The following CSMD1 variants were observed in gnomAD, a reference collection of about 807,000 sequenced individuals.
The protein encoded by CSMD1 is CUB and sushi domain-containing protein 1.
CSMD1 carries 213 observed loss-of-function variants against 417.5 expected under a neutral mutation model. The observed-to-expected ratio is 0.51, with a 90% CI of 0.46 to 0.57. The LOEUF (loss-of-function observed/expected upper bound fraction) is 0.57. CSMD1 is among the 20% of genes least tolerant of loss of function. The probability of loss-of-function intolerance (pLI) is 0.00; values close to 1 mark genes in which losing one functional copy is unlikely to be tolerated. For missense variants in CSMD1, 6,923 were observed against 4,529.7 expected (o/e 1.53, Z -15.17); for synonymous variants, 2,862 against 1,736.8 (o/e 1.65, Z -16.11).
At chr8:4,109,508 G>C (rs1279671621) in intron 3 of CSMD1, among the ~76,000 whole-genome samples, 3 of 152,158 alleles carry the variant, frequency 2.0e-5, no homozygotes, top group African/African-American at 7.2e-5. Flanking sequence ...GCATGAATAA[G>C]TAGACTTATT....
At chr8:4,686,464 G>A (rs1186160761) in intron 1 of CSMD1, among the ~76,000 whole-genome samples, 1 of 152,196 alleles carries the variant, frequency 6.6e-6, no homozygotes, top group Non-Finnish European at 1.5e-5. Context: ...GCGAGAGGGG[G>A]CCTCCCCATA....
At chr8:3,735,039 A>G (rs981119948) in intron 6 of CSMD1, among the ~76,000 whole-genome samples, 1 of 152,232 alleles carries the variant, frequency 6.6e-6, no homozygotes, top group Non-Finnish European at 1.5e-5. Flanking sequence ...GTAAAACAAA[A>G]TAGGTGATAT....
At chr8:2,995,196 G>C (rs1487501254) in intron 54 of CSMD1, among the ~76,000 whole-genome samples, 1 of 152,054 alleles carries the variant, frequency 6.6e-6, no homozygotes, top group South Asian at 2.1e-4. Flanking sequence ...GTCTTAAAAA[G>C]CAAACAAAAA....
chr8:4,510,688 C>G (rs1802777157), intron 2 of CSMD1, among the ~76,000 whole-genome samples: 2 of 144,956 alleles, frequency 1.4e-5, no homozygotes, highest in Middle Eastern at 7.9e-3. Context: ...TCCTCTCTTC[C>G]TTCCCCTTTC....
At chr8:4,319,717 G>T (rs375321677) in intron 3 of CSMD1, among the ~76,000 whole-genome samples, 1 of 152,092 alleles carries the variant, frequency 6.6e-6, no homozygotes, top group Admixed American at 6.6e-5. Flanking sequence ...TCTTGGATTA[G>T]AGGAAAAAGA....
At chr8:4,587,191 G>T (rs1276527252) in intron 2 of CSMD1, among the ~76,000 whole-genome samples, 1 of 151,928 alleles carries the variant, frequency 6.6e-6, no homozygotes. Context: ...TTACTTGAAG[G>T]GTATGTAATT....
At chr8:4,400,201 G>A (rs568327086) in intron 3 of CSMD1, among the ~76,000 whole-genome samples, 1 of 152,310 alleles carries the variant, frequency 6.6e-6, no homozygotes, top group South Asian at 2.1e-4. Flanking sequence ...AGAGAAAGCA[G>A]CTTGAAGCAA....
intron 5 of CSMD1, among the ~76,000 whole-genome samples, chr8:3,866,172 C>G (rs561883462): frequency 1.2e-4 from 18 of 152,160 alleles, no homozygotes; most frequent in Non-Finnish European, 2.2e-4. Flanking sequence ...TAATTCACAA[C>G]TACATACACA....
intron 3 of CSMD1, among the ~76,000 whole-genome samples, chr8:4,212,877 G>A (rs184486681): frequency 6.6e-6 from 1 of 150,634 alleles, no homozygotes; most frequent in Non-Finnish European, 1.5e-5. Context: ...AGGAAGATGA[G>A]GACAACAGTT....
intron 9 of CSMD1, among the ~76,000 whole-genome samples, chr8:3,577,625 T>A (rs13255417): frequency 2.0e-5 from 3 of 152,012 alleles, no homozygotes; most frequent in Non-Finnish European, 4.4e-5. Context: ...AATATTAGCA[T>A]AGCTTCTGAA....
chr8:4,050,270 C>A (rs1320539227), intron 3 of CSMD1, among the ~76,000 whole-genome samples: 1 of 152,084 alleles, frequency 6.6e-6, no homozygotes, highest in Non-Finnish European at 1.5e-5. Flanking sequence ...GCAGCCTATA[C>A]TCTTTGGAAG....
intron 3 of CSMD1, among the ~76,000 whole-genome samples, chr8:4,050,027 C>T (rs1024667040): frequency 4.6e-5 from 7 of 152,072 alleles, no homozygotes; most frequent in East Asian, 1.9e-4. Flanking sequence ...TCAGAAGTTG[C>T]GGCCAGATAT....
At chr8:4,841,987 C>T (rs970510069) in intron 1 of CSMD1, among the ~76,000 whole-genome samples, 14 of 147,614 alleles carry the variant, frequency 9.5e-5, no homozygotes, top group Admixed American at 6.8e-5. Context: ...TGTCCTGCCT[C>T]TAATTGATAG....
intron 1 of CSMD1, among the ~76,000 whole-genome samples, chr8:4,674,169 C>T (rs993195750): frequency 7.2e-5 from 11 of 152,082 alleles, no homozygotes; most frequent in South Asian, 2.1e-4. Context: ...GTGGGAAAAT[C>T]GATCTAATGG....
At chr8:3,732,854 T>C (rs1004364068) in intron 6 of CSMD1, among the ~76,000 whole-genome samples, 15 of 152,150 alleles carry the variant, frequency 9.9e-5, no homozygotes, top group Non-Finnish European at 1.9e-4. Context: ...TATTTTGAAA[T>C]CTGTTTTAAA....
At chr8:3,573,657 CT>C (rs1800032162) in intron 10 of CSMD1, among the ~76,000 whole-genome samples, 1 of 152,126 alleles carries the variant, frequency 6.6e-6, no homozygotes, top group Admixed American at 6.6e-5. Flanking sequence ...GAACATTTCT[CT>C]TTTAGAACTG....
At chr8:3,405,201 G>T (rs1338316590) in intron 15 of CSMD1, among the ~76,000 whole-genome samples, 3 of 151,980 alleles carry the variant, frequency 2.0e-5, no homozygotes, top group African/African-American at 4.8e-5. Flanking sequence ...TCTTAAATTT[G>T]TACTTCTTTG....
chr8:3,412,550 G>C (rs926491341), intron 12 of CSMD1, among the ~76,000 whole-genome samples: 1 of 152,102 alleles, frequency 6.6e-6, no homozygotes, highest in Non-Finnish European at 1.5e-5. Context: ...TGAAGATGTT[G>C]AATACATAGG....
chr8:3,842,600 A>G (rs1803208214), intron 5 of CSMD1, among the ~76,000 whole-genome samples: 1 of 152,180 alleles, frequency 6.6e-6, no homozygotes, highest in South Asian at 2.1e-4. Context: ...GCCTATATGG[A>G]AGTTACATCA....
Sources: gnomAD v4.1 joint callset for allele counts (sites outside exome capture counted in the v4.1 genomes callset) on GRCh38, gnomAD v4.1.1 for gene constraint, MANE v1.5 for transcripts, NCBI Gene and HGNC (gene_info 2026-07-23, HGNC 2026-07-21) for gene names.